The following TMC3 variants were observed in gnomAD, a reference collection of about 807,000 sequenced individuals.
TMC3 encodes transmembrane channel like 3.
A neutral mutation model predicts 110.6 loss-of-function variants in TMC3; 98 were observed. The ratio of observed to expected loss-of-function variants is 0.89; its 90% CI spans 0.75 to 1.05. TMC3 has a LOEUF of 1.05. TMC3 is among the 50% of genes least tolerant of loss of function. The pLI is 0.00. For synonymous variants in TMC3, 489 were observed against 513.1 expected, an observed-to-expected ratio of 0.95 and a Z score of 0.63; for missense variants, 1,319 against 1,373.2, an observed-to-expected ratio of 0.96 and a Z score of 0.62.
At chr15:81,358,838 G>C (rs1477252764) in intron 5 of TMC3, among the ~76,000 whole-genome samples, 1 of 152,124 alleles carries the variant, frequency 6.6e-6, no homozygotes, top group East Asian at 1.9e-4. Context: ...TAAGGGGCAC[G>C]AGTGCGGTTT....
intron 16 of TMC3, among the ~76,000 whole-genome samples, chr15:81,340,246 CT>C (rs1019767353): frequency 5.3e-5 from 8 of 151,924 alleles, no homozygotes; most frequent in Admixed American, 3.9e-4. Flanking sequence ...CTCTCTCTCT[CT>C]CTCATGAAAA....
chr15:81,347,724 T>A (rs1222615407), intron 11 of TMC3, among the ~76,000 whole-genome samples: 1 of 152,248 alleles, frequency 6.6e-6, no homozygotes, highest in Non-Finnish European at 1.5e-5. Flanking sequence ...TGCCTCTGTT[T>A]CTCTAGTTTT....
intron 9 of TMC3, 93 bp from the exon 10 acceptor site, chr15:81,351,934 C>T: frequency 2.8e-6 from 4 of 1,428,538 alleles, no homozygotes; most frequent in Non-Finnish European, 3.8e-6. Flanking sequence ...TGGAACACAT[C>T]CATTGCCAAG....
intron 21 of TMC3, 69 bp downstream of exon 21, chr15:81,334,651 C>T (rs1391210268): frequency 1.3e-6 from 2 of 1,535,972 alleles, no homozygotes; most frequent in East Asian, 2.3e-5. Context: ...GCCTTGGCCT[C>T]CTGAAGCTGC....
In TMC3 at chr15:81,344,778, T is replaced by G. The variant is rs1180824676; in HGVS notation, c.1506A>C (p.Thr502=). Residue 502 remains threonine, a synonymous_variant, in exon 13 of 22, where the codon ACA becomes ACC. Coordinates refer to ENST00000359440, the MANE Select transcript of TMC3 (RefSeq NM_001080532.3). ...TQSPQDQCWE[T]YVGQEMLKLS... Reference sequence around the variant, plus strand: ...TAAAGAGAACCACCTGACCAACGTATGTCTCCCAGCACTGGTCTTGTGGAC... The same window carrying G: ...TAAAGAGAACCACCTGACCAACGTAGGTCTCCCAGCACTGGTCTTGTGGAC... 1 of 1,613,868 alleles carries G rather than the reference T, an allele frequency of 6.2e-7. No individual in the cohort carries two copies. The highest frequency in any genetic ancestry group is 1.7e-5 in the Admixed American group (1 of 60,034).
rs368895625 is a variant in TMC3, at chr15:81,344,870, C to T, written c.1414G>A (p.Glu472Lys). The change falls in exon 13 of 22, where the codon GAG becomes AAG. Residue 472 changes from glutamate (E) to lysine (K), a missense_variant. Physicochemically the swap from Glu to Lys is moderately conservative, Grantham distance 56 (BLOSUM62 1). Coordinates refer to ENST00000359440, the MANE Select transcript of TMC3 (RefSeq NM_001080532.3). ...LRRNNTWALE[E>K]TSISAYTMPL... ...ATGGTATAAGCTGAAATGCTGGTCT[C>T]TTCCAAGGCCCATGTGTTGTTTCTC... 2.2e-5 allele frequency: 36 copies of T among 1,613,858 alleles called. No individual in the cohort carries two copies. The Admixed American group carries it at 3.5e-4, about 16-fold the overall frequency.
At chr15:81,365,692 G>GA (rs957242815) in intron 3 of TMC3, among the ~76,000 whole-genome samples, 15 of 138,894 alleles carry the variant, frequency 1.1e-4, no homozygotes, top group African/African-American at 3.8e-4. Context: ...AAAAGAAAAA[G>GA]AAAAAAAAGA....
At chr15:81,372,461 C>T (rs1894458331) in intron 2 of TMC3, 130 bp downstream of exon 2, 2 of 1,130,068 alleles carry the variant, frequency 1.8e-6, no homozygotes, top group African/African-American at 1.6e-5. Context: ...TGTGACTTTG[C>T]TAATTCAGGT....
At chr15:81,361,470 T>G (rs891409019) in intron 4 of TMC3, among the ~76,000 whole-genome samples, 6 of 152,352 alleles carry the variant, frequency 3.9e-5, no homozygotes, top group African/African-American at 1.4e-4. Flanking sequence ...TCAATTGTTG[T>G]ACCTTTATGA....
At position 81,338,762 on chromosome 15, in the gene TMC3, A is replaced by G. The variant is rs1010202862; in HGVS notation, c.1974T>C (p.Tyr658=). The change falls in exon 18 of 22, where the codon TAT becomes TAC. Residue 658 remains tyrosine (Y), a synonymous_variant. Coordinates refer to ENST00000359440, the MANE Select transcript of TMC3 (RefSeq NM_001080532.3). ...TCTCAATCGTTTCTGACACAATGTC[A>G]TAAATTTTCTCTTGTCCACTGTGAG... The part of the protein sequence containing the change: ...CGPFSGQEKI[Y]DIVSETIEKD... 2.5e-6 allele frequency: 4 copies of G among 1,613,920 alleles called. No homozygotes were observed. Among genetic ancestry groups the G allele is most frequent in the Non-Finnish European group, 3.4e-6 (4 of 1,179,838 alleles).
intron 9 of TMC3, 141 bp from the exon 10 acceptor site, chr15:81,351,982 C>T: frequency 1.1e-6 from 1 of 927,718 alleles, no homozygotes; most frequent in Non-Finnish European, 1.6e-6. Context: ...CACTTCCAGC[C>T]CACCCCACCC....
intron 16 of TMC3, 137 bp downstream of exon 16, chr15:81,341,253 A>G: frequency 1.1e-6 from 1 of 897,792 alleles, no homozygotes; most frequent in Non-Finnish European, 1.6e-6. Context: ...GGAGGAGACA[A>G]AATTGGAGGA....
intron 2 of TMC3, among the ~76,000 whole-genome samples, chr15:81,371,438 C>T (rs1596099967): frequency 6.6e-6 from 1 of 152,202 alleles, no homozygotes; most frequent in East Asian, 1.9e-4. Context: ...GTCTGCTTGG[C>T]ATCTAGAAAA....
chr15:81,342,455 A>C (rs1001282162), intron 15 of TMC3, among the ~76,000 whole-genome samples: 6 of 152,224 alleles, frequency 3.9e-5, no homozygotes, highest in Non-Finnish European at 1.5e-5. Context: ...ATAAGGATTA[A>C]ATCAGTTACT....
At chr15:81,343,244 G>A (rs2141698720) in intron 15 of TMC3, 34 bp downstream of exon 15, 2 of 1,415,106 alleles carry the variant, frequency 1.4e-6, no homozygotes, top group Non-Finnish European at 2.0e-6. Context: ...CAGATGAGAT[G>A]TAAGCAAAGG....
chr15:81,337,870 G>A lies in TMC3; in HGVS notation c.2136C>T (p.His712=), dbSNP rs1252666601. The A allele has an allele frequency of 6.2e-7, 1 of 1,614,014 alleles. No individual in the cohort carries two copies. The highest frequency in any genetic ancestry group is 8.5e-7 in the Non-Finnish European group (1 of 1,179,868). Residue 712 remains histidine (H), a synonymous_variant, in exon 19 of 22, where the codon CAC becomes CAT. Coordinates refer to ENST00000359440, the MANE Select transcript of TMC3 (RefSeq NM_001080532.3). ...SIARSLKLSN[H]QLKMQIQNAR... is the part of the protein sequence containing the mutation. ...CGTTTTGGATCTGCATTTTGAGCTG[G>A]TGGTTGCTGAGCTTTAGAGACCGTG...
rs150947491 is a variant in TMC3 at position 81,334,042 on chromosome 15, T to C, written c.2459+678A>G. On this transcript the variant is annotated intron_variant, in intron 21 of 21. Coordinates refer to ENST00000359440, the MANE Select transcript of TMC3 (RefSeq NM_001080532.3). The stretch of plus-strand genomic sequence containing the variant: ...TAAAGACTTGAATCTGTATGGTGGC[T>C]GTAGTTTGACCCCTAGGGGCCTCTC... 6.1e-3 allele frequency among the ~76,000 whole-genome samples: 929 copies of C among 152,014 alleles called. 12 individuals carry two copies. Among genetic ancestry groups the C allele is most frequent in the African/African-American group, 0.021 (887 of 41,440 alleles).
At chr15:81,355,187 C>T (rs1167305506) in intron 9 of TMC3, among the ~76,000 whole-genome samples, 1 of 152,144 alleles carries the variant, frequency 6.6e-6, no homozygotes, top group Non-Finnish European at 1.5e-5. Context: ...GGCTAAATAA[C>T]CAGTAAGGAT....
chr15:81,358,282 G>A lies in TMC3; in HGVS notation c.610C>T (p.Gln204Ter). The change falls in exon 7 of 22, where the codon CAG (glutamine) becomes TAG (stop). Residue 204 changes from glutamine (Q) to a stop codon, truncating the protein, a stop_gained. Transcript: ENST00000359440. LOFTEE classifies it high-confidence loss of function. Reference protein sequence around the residue: ...DTVWSLGGYLQYSVLFYGYYG... With the variant: ...DTVWSLGGYL Reference sequence around the variant, plus strand: ...TATCCGTAGAAGAGGACAGAGTACTGGAGGTAGCCCTGCAAAGAAAACACT... The same window carrying A: ...TATCCGTAGAAGAGGACAGAGTACTAGAGGTAGCCCTGCAAAGAAAACACT... 1.9e-6 allele frequency: 3 copies of A among 1,608,172 alleles called. No individual in the cohort carries two copies. Among genetic ancestry groups the A allele is most frequent in the Non-Finnish European group, 2.5e-6 (3 of 1,177,294 alleles).
Sources: gnomAD v4.1 joint callset for allele counts (sites outside exome capture counted in the v4.1 genomes callset) on GRCh38, gnomAD v4.1.1 for gene constraint, MANE v1.5 for transcripts, NCBI Gene and HGNC (gene_info 2026-07-23, HGNC 2026-07-21) for gene names.